OR7C1: variants seen among roughly 807,000 people sequenced by gnomAD.
The protein encoded by OR7C1 is olfactory receptor family 7 subfamily C member 1.
For synonymous variants in OR7C1, 152 were observed against 160.7 expected, an observed-to-expected ratio of 0.95 and a Z score of 0.41; for missense variants, 324 against 383.3, an observed-to-expected ratio of 0.85 and a Z score of 1.29.
At chr19:14,802,969 A>G (rs1426124559) in intron 2 of OR7C1, among the ~76,000 whole-genome samples, 1 of 152,150 alleles carries the variant, frequency 6.6e-6, no homozygotes, top group East Asian at 1.9e-4. Flanking sequence ...ACTGGATTTT[A>G]TAGACTGGCT....
intron 1 of OR7C1, chr19:14,824,784 T>C (rs936756632): frequency 6.6e-5 from 10 of 152,218 alleles, no homozygotes; most frequent in African/African-American, 2.4e-4. Context: ...ACTCAGTTTT[T>C]TGAGAAATCT....
At chr19:14,799,294 G>C (rs1258639580) in exon 5 of OR7C1, 1 of 1,614,144 alleles carries the variant, frequency 6.2e-7, no homozygotes, top group East Asian at 2.2e-5. Context: ...GCATGGGGGT[G>C]ACCATGGTGT....
chr19:14,823,877 T>G (rs2044752779), intron 1 of OR7C1, among the ~76,000 whole-genome samples: 1 of 152,054 alleles, frequency 6.6e-6, no homozygotes, highest in Non-Finnish European at 1.5e-5. Flanking sequence ...GCACCGTTTA[T>G]TGAAGAGATG....
rs150765288 is a variant in OR7C1 at position 14,807,161 on chromosome 19, G to T, written c.-435+2645C>A. Among the ~76,000 whole-genome samples, 9 of 151,786 alleles carry T rather than the reference G, an allele frequency of 5.9e-5. No individual in the cohort carries two copies. In the East Asian group the frequency reaches 1.7e-3, roughly 29 times the overall value. ...TGATGTTGAGCTTTTTTTCATGTTTGTTGGCCGCATAAATGTCTCCTTTTG... is the reference window on the plus strand; with the variant it reads ...TGATGTTGAGCTTTTTTTCATGTTTTTTGGCCGCATAAATGTCTCCTTTTG... On this transcript the variant is annotated intron_variant, in intron 2 of 4. Transcript: ENST00000641666.
At chr19:14,799,525 G>C in exon 5 of OR7C1, 4 of 1,614,146 alleles carry the variant, frequency 2.5e-6, no homozygotes, top group Non-Finnish European at 3.4e-6. Flanking sequence ...CACCCAGGAC[G>C]CCAGTTGCAA....
exon 5 of OR7C1, chr19:14,799,723 G>A (rs1426098460): frequency 6.2e-7 from 1 of 1,613,956 alleles, no homozygotes; most frequent in Non-Finnish European, 8.5e-7. Flanking sequence ...CACAGAGCTG[G>A]GGGTTCATGA....
chr19:14,801,225 A>C (rs1459106350), intron 2 of OR7C1, among the ~76,000 whole-genome samples: 1 of 152,194 alleles, frequency 6.6e-6, no homozygotes, highest in African/African-American at 2.4e-5. Context: ...ACAGGAGCTC[A>C]ATAACTATGC....
intron 2 of OR7C1, among the ~76,000 whole-genome samples, chr19:14,808,028 T>C (rs985513490): frequency 1.3e-5 from 2 of 150,460 alleles, no homozygotes; most frequent in African/African-American, 4.9e-5. Context: ...GGTGTAATCA[T>C]CAGATAAATG....
intron 1 of OR7C1, among the ~76,000 whole-genome samples, chr19:14,832,990 A>G (rs1421233613): frequency 1.3e-5 from 2 of 152,238 alleles, no homozygotes; most frequent in African/African-American, 4.8e-5. Context: ...GCAGATGCTC[A>G]GTTATTATTT....
At chr19:14,806,279 A>G (rs1289280666) in intron 2 of OR7C1, among the ~76,000 whole-genome samples, 1 of 151,934 alleles carries the variant, frequency 6.6e-6, no homozygotes, top group Non-Finnish European at 1.5e-5. Context: ...CCTTCAAGGG[A>G]ATTGGCTGGA....
intron 1 of OR7C1, among the ~76,000 whole-genome samples, chr19:14,812,613 T>C (rs953583702): frequency 6.6e-6 from 1 of 151,570 alleles, no homozygotes; most frequent in African/African-American, 2.4e-5. Flanking sequence ...TCGGGGAGCA[T>C]GGATTTTAAG....
At chr19:14,813,931 T>C (rs1297025178) in intron 1 of OR7C1, among the ~76,000 whole-genome samples, 1 of 152,098 alleles carries the variant, frequency 6.6e-6, no homozygotes, top group Admixed American at 6.5e-5. Flanking sequence ...TTAGGTTAGG[T>C]CAGTCTCTTT....
At chr19:14,819,839 A>G (rs1267216505) in intron 1 of OR7C1, among the ~76,000 whole-genome samples, 1 of 152,236 alleles carries the variant, frequency 6.6e-6, no homozygotes, top group Non-Finnish European at 1.5e-5. Flanking sequence ...CTCAAATTCG[A>G]AACCCATGTT....
chr19:14,814,010 T>C (rs1273726999), intron 1 of OR7C1, among the ~76,000 whole-genome samples: 1 of 151,992 alleles, frequency 6.6e-6, no homozygotes, highest in Non-Finnish European at 1.5e-5. Flanking sequence ...TTTCACACCA[T>C]ATACAAAATT....
At chr19:14,809,351 A>T (rs529643162) in intron 2 of OR7C1, among the ~76,000 whole-genome samples, 1 of 151,982 alleles carries the variant, frequency 6.6e-6, no homozygotes, top group Admixed American at 6.6e-5. Context: ...GCACATACGT[A>T]AAGGAAGGTC....
intron 1 of OR7C1, chr19:14,827,639 A>T: frequency 6.2e-7 from 1 of 1,614,216 alleles, no homozygotes; most frequent in Non-Finnish European, 8.5e-7. Context: ...GCGCAACTGT[A>T]AAATATATCA....
At chr19:14,802,613 A>G (rs868111395) in intron 2 of OR7C1, among the ~76,000 whole-genome samples, 4 of 152,354 alleles carry the variant, frequency 2.6e-5, no homozygotes, top group Non-Finnish European at 4.4e-5. Flanking sequence ...ACCTCTCTCA[A>G]AGGAGATTGT....
intron 1 of OR7C1, among the ~76,000 whole-genome samples, chr19:14,823,654 C>T (rs2044751641): frequency 6.6e-6 from 1 of 152,150 alleles, no homozygotes; most frequent in African/African-American, 2.4e-5. Context: ...GTCTATTATT[C>T]CACATTCTAT....
intron 1 of OR7C1, among the ~76,000 whole-genome samples, chr19:14,819,704 C>T (rs1385315908): frequency 6.6e-6 from 1 of 152,132 alleles, no homozygotes; most frequent in African/African-American, 2.4e-5. Flanking sequence ...TTCATGTAAG[C>T]ATATTTTAAT....
Sources: allele counts gnomAD v4.1 joint callset (sites outside exome capture counted in the v4.1 genomes callset), GRCh38; gene constraint gnomAD v4.1.1; transcripts MANE v1.5; gene names NCBI Gene and HGNC (gene_info 2026-07-23, HGNC 2026-07-21).